The following EPB41 variants were observed in gnomAD, a reference collection of about 807,000 sequenced individuals.
EPB41 encodes protein 4.1.
A neutral mutation model predicts 108.0 loss-of-function variants in EPB41; 65 were observed. The ratio of observed to expected loss-of-function variants is 0.60; its 90% CI spans 0.49 to 0.74. The LOEUF is 0.74. Ranked by LOEUF, EPB41 falls within the 30% of genes least tolerant of loss-of-function variation. EPB41 has a pLI of 0.00. For missense variants in EPB41, 875 were observed against 1,037.0 expected (o/e 0.84, Z 2.15); for synonymous variants, 336 against 358.9 (o/e 0.94, Z 0.72).
intron 1 of EPB41, among the ~76,000 whole-genome samples, chr1:28,917,900 T>TG (rs2092800948): frequency 1.3e-5 from 2 of 151,242 alleles, no homozygotes; most frequent in Non-Finnish European, 2.9e-5. Flanking sequence ...CAGCTTAGTC[T>TG]GTATTACAGA....
Position 28,987,626 on chromosome 1 carries a change from T to C in EPB41, c.189T>C (p.His63=). The C allele has an allele frequency of 6.2e-7, 1 of 1,614,200 alleles. No individual in the cohort carries two copies. Among genetic ancestry groups the C allele is most frequent in the South Asian group, 1.1e-5 (1 of 91,084 alleles). ...CTTCTAATGGAGACACTCCTACACA[T>C]GAAGACTTGACCAAGAACAAGGAGC... is the stretch of plus-strand genomic sequence containing the variant. ...LKASNGDTPT[H]EDLTKNKERT... is the part of the protein sequence containing the mutation. Residue 63 remains histidine, a synonymous_variant, in exon 2 of 21, where the codon CAT becomes CAC. Coordinates refer to ENST00000343067, the MANE Select transcript of EPB41 (RefSeq NM_001376013.1).
intron 11 of EPB41, among the ~76,000 whole-genome samples, chr1:29,047,828 G>A: frequency 2.0e-4 from 1 of 5,012 alleles, no homozygotes; most frequent in Non-Finnish European, 3.6e-4. Context: ...CACTCTTGCT[G>A]CCCAGGCTGG....
At chr1:29,019,674 T>G (rs778337004) in intron 7 of EPB41, among the ~76,000 whole-genome samples, 13 of 152,158 alleles carry the variant, frequency 8.5e-5, no homozygotes, top group South Asian at 2.1e-4. Context: ...CTTGCCATGA[T>G]AGTAAAAATT....
At chr1:29,113,602 T>C (rs1669930417) in intron 19 of EPB41, among the ~76,000 whole-genome samples, 1 of 152,172 alleles carries the variant, frequency 6.6e-6, no homozygotes, top group African/African-American at 2.4e-5. Context: ...GTGAAAGGTG[T>C]TTGAGGTTTG....
intron 16 of EPB41, among the ~76,000 whole-genome samples, chr1:29,067,707 G>A (rs1649019407): frequency 6.7e-6 from 1 of 149,894 alleles, no homozygotes; most frequent in Non-Finnish European, 1.5e-5. Flanking sequence ...GGTACTTTTT[G>A]TATTTTTCAA....
chr1:28,892,488 G>A (rs540259172), intron 1 of EPB41, among the ~76,000 whole-genome samples: 12 of 152,208 alleles, frequency 7.9e-5, no homozygotes, highest in Admixed American at 3.3e-4. Context: ...TTGGGAGGCT[G>A]AGGTGGGTAG....
At chr1:28,972,782 T>G (rs546406277) in intron 1 of EPB41, among the ~76,000 whole-genome samples, 78 of 151,816 alleles carry the variant, frequency 5.1e-4, no homozygotes, top group African/African-American at 1.8e-3. Flanking sequence ...TTTTTTTCCT[T>G]TAGTAGAGAC....
At chr1:28,975,837 G>A (rs1475730251) in intron 1 of EPB41, among the ~76,000 whole-genome samples, 10 of 150,978 alleles carry the variant, frequency 6.6e-5, no homozygotes, top group Non-Finnish European at 1.0e-4. Flanking sequence ...GCATGGTGGC[G>A]GGCTGAGGCA....
chr1:29,109,428 A>G lies in EPB41; in HGVS notation c.2406A>G (p.Gln802=). 2.5e-6 allele frequency: 4 copies of G among 1,614,042 alleles called. No individual in the cohort carries two copies. The highest frequency in any genetic ancestry group is 2.2e-5 in the South Asian group (2 of 91,074). ...SETPSSTTTT[Q]ITKTVKGGIS... is the part of the protein sequence containing the mutation. ...CCCCAAGCAGCACCACCACAACTCA[A>G]ATTACCAAGGTAACAGACCAGCTAG... Residue 802 remains glutamine (Q), a synonymous_variant, in exon 18 of 21, where the codon CAA becomes CAG. Coordinates refer to ENST00000343067, the MANE Select transcript of EPB41 (RefSeq NM_001376013.1).
At chr1:28,935,737 G>A (rs1430488683) in intron 1 of EPB41, among the ~76,000 whole-genome samples, 5 of 151,688 alleles carry the variant, frequency 3.3e-5, no homozygotes, top group African/African-American at 1.2e-4. Flanking sequence ...TGGCCAACAT[G>A]GAGAAACCCC....
In EPB41 at chr1:29,018,195, G is replaced by A. The variant is rs1330255552; in HGVS notation, c.906-29G>A. 1 of 1,597,712 alleles carries A rather than the reference G, an allele frequency of 6.3e-7. No homozygotes were observed. Among genetic ancestry groups the A allele is most frequent in the African/African-American group, 1.3e-5 (1 of 74,248 alleles). On this transcript the variant is annotated intron_variant, in intron 6 of 20. Coordinates refer to ENST00000343067, the MANE Select transcript of EPB41 (RefSeq NM_001376013.1). This position sits in a 1 kb window ranked among gnomAD's most constrained non-coding sequence, Gnocchi z 4.4. ...TTTATATTTTGTTGTTGTTGTTGCT[G>A]ACATAACATTTTTCTCTTTTGGCTG...
chr1:28,934,447 A>G (rs1436253326), intron 1 of EPB41, among the ~76,000 whole-genome samples: 1 of 151,876 alleles, frequency 6.6e-6, no homozygotes. Context: ...TACCTCCTTG[A>G]GGGCAAAATA....
intron 1 of EPB41, among the ~76,000 whole-genome samples, chr1:28,898,503 G>A (rs1403712380): frequency 6.6e-6 from 1 of 152,212 alleles, no homozygotes; most frequent in Non-Finnish European, 1.5e-5. Flanking sequence ...GCTTCAATGA[G>A]ATAATCTCCA....
At chr1:29,107,579 G>A (rs1275872619) in intron 17 of EPB41, among the ~76,000 whole-genome samples, 11 of 152,134 alleles carry the variant, frequency 7.2e-5, no homozygotes, top group African/African-American at 2.4e-4. Flanking sequence ...GGCTGGGCGC[G>A]GTGGCTCAAA....
At chr1:28,969,674 C>A (rs1429369931) in intron 1 of EPB41, among the ~76,000 whole-genome samples, 4 of 150,524 alleles carry the variant, frequency 2.7e-5, no homozygotes, top group Admixed American at 2.0e-4. Flanking sequence ...CTGAGGCGGG[C>A]GGATCACGAG....
At chr1:28,896,138 G>A (rs1217854975) in intron 1 of EPB41, among the ~76,000 whole-genome samples, 1 of 152,136 alleles carries the variant, frequency 6.6e-6, no homozygotes, top group Non-Finnish European at 1.5e-5. Flanking sequence ...TGTAAAATGG[G>A]GAAAATAAAA....
chr1:29,112,339 C>A, intron 18 of EPB41, 29 bp from the exon 19 acceptor site: 1 of 1,554,226 alleles, frequency 6.4e-7, no homozygotes, highest in Non-Finnish European at 8.9e-7. Context: ...TATCGCTGAT[C>A]TCATATGACA....
chr1:28,993,227 T>C, intron 2 of EPB41, 103 bp from the exon 3 acceptor site: 1 of 925,402 alleles, frequency 1.1e-6, no homozygotes, highest in South Asian at 1.4e-5. Context: ...TATATTTGTT[T>C]TAGTTCATGC....
At chr1:29,091,184 A>G (rs1189417318) in intron 16 of EPB41, among the ~76,000 whole-genome samples, 2 of 152,212 alleles carry the variant, frequency 1.3e-5, no homozygotes, top group Non-Finnish European at 2.9e-5. Context: ...CTTCTTGATG[A>G]CAGACTACTA....
Sources: allele counts gnomAD v4.1 joint callset (sites outside exome capture counted in the v4.1 genomes callset), GRCh38; gene constraint gnomAD v4.1.1; non-coding constraint Gnocchi (gnomAD v3.1); transcripts MANE v1.5; gene names NCBI Gene and HGNC (gene_info 2026-07-23, HGNC 2026-07-21).